RFX4: variants seen among roughly 807,000 people sequenced by gnomAD.
RFX4 encodes regulatory factor X4.
RFX4 carries 10 observed loss-of-function variants against 95.0 expected under a neutral mutation model. The ratio of observed to expected loss-of-function variants is 0.11; its 90% CI spans 0.06 to 0.18. RFX4 has a LOEUF of 0.18. RFX4 is among the 10% of genes least tolerant of loss of function. RFX4 has a pLI of 1.00. For synonymous variants in RFX4, 321 were observed against 340.7 expected (o/e 0.94, Z 0.64); for missense variants, 640 against 922.0 (o/e 0.69, Z 3.96).
chr12:106,632,830 TGCCACCGTATCTGGCACTACAGGTGCAC>T (rs1565957548), intron 2 of RFX4, among the ~76,000 whole-genome samples: 5 of 152,092 alleles, frequency 3.3e-5, no homozygotes, highest in Admixed American at 6.5e-5. Context: ...TACAGGTGCA[TGCCACCGTATCTGGCACTACAGGTGCAC>T]GCCACCGTAT....
rs138118815 is a variant in RFX4 at position 106,639,265 on chromosome 12, C to T, written c.131-67C>T. The T allele has an allele frequency of 4.2e-5, 56 of 1,344,844 alleles. 2 individuals are homozygous for T. The African/African-American group carries it at 5.1e-4, about 12-fold the overall frequency. The allele number at this position is 1,344,844 out of a possible 1,614,324, so 83.3% of individuals were successfully genotyped here. ...ATAGTCTTTTGAAACTTGGGAGAGTCGAGAGGACTTTTACTTTTTCCTACT... is the reference window on the plus strand; with the variant it reads ...ATAGTCTTTTGAAACTTGGGAGAGTTGAGAGGACTTTTACTTTTTCCTACT... On this transcript the variant is annotated intron_variant, in intron 2 of 17. Coordinates refer to ENST00000392842, the MANE Select transcript of RFX4 (RefSeq NM_213594.3).
intron 3 of RFX4, among the ~76,000 whole-genome samples, chr12:106,642,482 G>C (rs1035091363): frequency 6.6e-5 from 10 of 151,966 alleles, no homozygotes; most frequent in African/African-American, 2.2e-4. Flanking sequence ...TGGGCATGGT[G>C]GCATAAGCCT....
chr12:106,662,938 A>G (rs2041103801), intron 4 of RFX4, among the ~76,000 whole-genome samples: 5 of 152,034 alleles, frequency 3.3e-5, no homozygotes, highest in Admixed American at 3.3e-4. Flanking sequence ...TCTTTTCCCA[A>G]TACCATACTG....
intron 13 of RFX4, among the ~76,000 whole-genome samples, chr12:106,721,736 C>T (rs945658879): frequency 6.6e-6 from 1 of 152,152 alleles, no homozygotes; most frequent in Non-Finnish European, 1.5e-5. Context: ...CTTCAGTTCT[C>T]TATTTCCCTT....
chr12:106,644,009 T>C lies in RFX4; in HGVS notation c.191+4617T>C, dbSNP rs2040689599. On this transcript the variant is annotated intron_variant, in intron 3 of 17. Transcript: ENST00000392842. ...TGTATCTGTAGAAGTTTCTGAAGTATGGTTTTTAATTTAGCATTGTCTCCT... is the reference window on the plus strand; with the variant it reads ...TGTATCTGTAGAAGTTTCTGAAGTACGGTTTTTAATTTAGCATTGTCTCCT... Among the ~76,000 whole-genome samples, 4 of 152,194 alleles carry C rather than the reference T, an allele frequency of 2.6e-5. No homozygotes were observed. The South Asian group carries it at 6.2e-4, about 24-fold the overall frequency.
chr12:106,754,318 G>A (rs1442323007), intron 17 of RFX4, among the ~76,000 whole-genome samples: 4 of 152,174 alleles, frequency 2.6e-5, no homozygotes, highest in African/African-American at 4.8e-5. Flanking sequence ...GACTGAGAAC[G>A]GCTGCAACAG....
intron 3 of RFX4, among the ~76,000 whole-genome samples, chr12:106,653,052 T>A (rs773801109): frequency 7.2e-5 from 11 of 152,178 alleles, no homozygotes; most frequent in Non-Finnish European, 1.6e-4. Flanking sequence ...TGTTTCCTGT[T>A]GGTGCATTGA....
intron 11 of RFX4, among the ~76,000 whole-genome samples, chr12:106,717,032 G>A (rs115815900): frequency 0.057 from 8,537 of 150,128 alleles, 537 homozygotes; most frequent in African/African-American, 0.16. Flanking sequence ...AGGAAATATG[G>A]GTGAGTTTTA....
chr12:106,732,930 T>C lies in RFX4; in HGVS notation c.1478T>C (p.Val493Ala). 1 of 1,613,954 alleles carries C rather than the reference T, an allele frequency of 6.2e-7. No homozygotes were observed. The highest frequency in any genetic ancestry group is 8.5e-7 in the Non-Finnish European group (1 of 1,179,892). ...ACCCTATCTCTATCCACAGCAGAAG[T>C]CCGAGAAGAGATCATCTTGACAGAG... is the stretch of plus-strand genomic sequence containing the variant. ...AMKGEGSTAE[V>A]REEIILTEAA... The change falls in exon 15 of 18, where the codon GTC (valine) becomes GCC (alanine). Residue 493 changes from valine (V) to alanine (A), a missense_variant. Val to Ala is a moderately conservative substitution (Grantham distance 64). Transcript: ENST00000392842.
chr12:106,732,979 A>T lies in RFX4; in HGVS notation c.1527A>T (p.Pro509=). 1 of 1,614,152 alleles carries T rather than the reference A, an allele frequency of 6.2e-7. No homozygotes were observed. Among genetic ancestry groups the T allele is most frequent in the Non-Finnish European group, 8.5e-7 (1 of 1,180,022 alleles). Residue 509 remains proline, a synonymous_variant, in exon 15 of 18, where the codon CCA becomes CCT. Coordinates refer to ENST00000392842, the MANE Select transcript of RFX4 (RefSeq NM_213594.3). ...AGGCTGCCGCACCAACCCCTTCACC[A>T]GTGCCATCGTTTTCTCCAGCAAAAT... The part of the protein sequence containing the change: ...LTEAAAPTPS[P]VPSFSPAKSA...
chr12:106,684,247 G>A (rs776546044), intron 5 of RFX4, among the ~76,000 whole-genome samples: 1 of 152,042 alleles, frequency 6.6e-6, no homozygotes, highest in Non-Finnish European at 1.5e-5. Context: ...CGTCCCTTTA[G>A]TCCCAGCTAC....
chr12:106,641,366 T>TC (rs2040618343), intron 3 of RFX4, among the ~76,000 whole-genome samples: 1 of 152,220 alleles, frequency 6.6e-6, no homozygotes, highest in South Asian at 2.1e-4. Flanking sequence ...AGTGTCTAGC[T>TC]CATAGGGTAG....
rs1489170252 is a variant in RFX4 at position 106,761,256 on chromosome 12, A to C, written c.1995A>C (p.Arg665Ser). The stretch of plus-strand genomic sequence containing the variant: ...CTTGTTTGATGAGCAGTACTCCCAG[A>C]CTGCATCCTACCCCAGTCACTCCCC... ...MEPCLMSSTP[R>S]LHPTPVTPRW... Residue 665 changes from arginine to serine, a missense_variant, in exon 18 of 18, where the codon AGA (arginine) becomes AGC (serine). Physicochemically the swap from Arg to Ser is moderately radical, Grantham distance 110. Around this residue, in one of 7 missense-constraint regions of RFX4, gnomAD observed 300 missense variants for 346.8 expected, o/e 0.87. Transcript: ENST00000392842. 1 of 1,614,120 alleles carries C rather than the reference A, an allele frequency of 6.2e-7. No homozygotes were observed. Among genetic ancestry groups the C allele is most frequent in the Non-Finnish European group, 8.5e-7 (1 of 1,180,026 alleles).
chr12:106,720,039 C>A lies in RFX4; in HGVS notation c.1218C>A (p.Asp406Glu), dbSNP rs1259514550. The A allele has an allele frequency of 1.2e-6, 2 of 1,614,144 alleles. No individual in the cohort carries two copies. Among genetic ancestry groups the A allele is most frequent in the Non-Finnish European group, 1.7e-6 (2 of 1,179,998 alleles). Residue 406 changes from aspartate (D) to glutamate (E), a missense_variant, in exon 12 of 18, where the codon GAC becomes GAA. Coordinates refer to ENST00000392842, the MANE Select transcript of RFX4 (RefSeq NM_213594.3). This position sits in a 1 kb window ranked among gnomAD's most constrained non-coding sequence, Gnocchi z 4.2. Reference sequence around the variant, plus strand: ...TTGAGTGGCTGGATACCATGGTTGACCGCTGTGTTGTGAAGGTTGGTAAAC... The same window carrying A: ...TTGAGTGGCTGGATACCATGGTTGAACGCTGTGTTGTGAAGGTTGGTAAAC... ...SYIEWLDTMV[D>E]RCVVKVAAKR...
chr12:106,668,921 G>A (rs1009119077), intron 4 of RFX4, among the ~76,000 whole-genome samples: 4 of 152,138 alleles, frequency 2.6e-5, no homozygotes, highest in Non-Finnish European at 5.9e-5. Flanking sequence ...AGATAGTTGT[G>A]ATATAGTGTA....
chr12:106,607,972 G>A (rs2039872689), intron 1 of RFX4, among the ~76,000 whole-genome samples: 1 of 152,068 alleles, frequency 6.6e-6, no homozygotes, highest in South Asian at 2.1e-4. Context: ...GCAGGCGGAT[G>A]GCCTGAGGTC....
intron 2 of RFX4, among the ~76,000 whole-genome samples, chr12:106,614,635 A>T (rs1279245499): frequency 6.6e-6 from 1 of 151,692 alleles, no homozygotes; most frequent in Non-Finnish European, 1.5e-5. Context: ...CAGCCTCCTG[A>T]GTAGCTGGGA....
intron 1 of RFX4, among the ~76,000 whole-genome samples, chr12:106,600,194 C>A (rs2137180639): frequency 6.6e-6 from 1 of 152,308 alleles, no homozygotes; most frequent in African/African-American, 2.4e-5. Flanking sequence ...TGTAGTCATG[C>A]TCAGGCTGCT....
At chr12:106,648,328 G>A (rs1007638572) in intron 3 of RFX4, among the ~76,000 whole-genome samples, 3 of 152,088 alleles carry the variant, frequency 2.0e-5, no homozygotes, top group African/African-American at 4.8e-5. Flanking sequence ...AGCAGGAAAC[G>A]ATCCAGTTGG....
Sources: allele counts gnomAD v4.1 joint callset (sites outside exome capture counted in the v4.1 genomes callset), GRCh38; gene constraint gnomAD v4.1.1; regional missense constraint gnomAD v4.1.1; non-coding constraint Gnocchi (gnomAD v3.1); transcripts MANE v1.5; gene names NCBI Gene and HGNC (gene_info 2026-07-23, HGNC 2026-07-21).